The following BIN2 variants were observed in gnomAD, a reference collection of about 807,000 sequenced individuals.
The protein encoded by BIN2 is bridging integrator 2.
Under a neutral mutation model 67.9 loss-of-function variants are expected in BIN2, and 43 were observed. The observed-to-expected ratio is 0.63, with a 90% confidence interval of 0.50 to 0.82. The LOEUF (loss-of-function observed/expected upper bound fraction) is 0.82. Among genes scored for constraint, BIN2 ranks in the 40% least tolerant of loss-of-function variants. The pLI, the probability that BIN2 is intolerant of heterozygous loss-of-function variation, is 0.00. For missense variants in BIN2, 581 were observed against 671.6 expected (o/e 0.87, Z 1.49); for synonymous variants, 244 against 246.8 (o/e 0.99, Z 0.11).
chr12:51,290,417 C>T (rs188323501), intron 10 of BIN2, among the ~76,000 whole-genome samples: 96 of 152,036 alleles, frequency 6.3e-4, no homozygotes, highest in African/African-American at 2.2e-3. Flanking sequence ...GTGTGAGACA[C>T]GACGCCCGGC....
intron 9 of BIN2, among the ~76,000 whole-genome samples, chr12:51,294,435 C>T (rs935775332): frequency 6.6e-6 from 1 of 151,954 alleles, no homozygotes; most frequent in South Asian, 2.1e-4. Context: ...GGTGTGGTGG[C>T]ATGTGCCTGT....
intron 10 of BIN2, 121 bp downstream of exon 10, chr12:51,291,470 G>C (rs1592253917): frequency 6.2e-6 from 6 of 961,000 alleles, no homozygotes; most frequent in South Asian, 4.1e-5. Context: ...TTGAGCTTGA[G>C]AGGTCGAGAC....
At chr12:51,300,057 C>T (rs1045295076) in intron 5 of BIN2, among the ~76,000 whole-genome samples, 6 of 151,954 alleles carry the variant, frequency 3.9e-5, no homozygotes, top group Admixed American at 1.3e-4. Context: ...AGGCTGGTCT[C>T]GAACTCCTGG....
rs769469897 is a variant in BIN2 at position 51,291,644 on chromosome 12, G to A, written c.1462C>T (p.His488Tyr). 5.4e-5 allele frequency: 87 copies of A among 1,613,108 alleles called. No individual in the cohort carries two copies. The highest frequency in any genetic ancestry group is 7.2e-5 in the Non-Finnish European group (85 of 1,179,710). The change falls in exon 10 of 13, where the codon CAC becomes TAC. Residue 488 changes from histidine (H) to tyrosine (Y), a missense_variant. By Grantham distance (83) the His-to-Tyr change is moderately conservative. Coordinates refer to ENST00000615107, the MANE Select transcript of BIN2 (RefSeq NM_016293.4). The part of the protein sequence containing the change: ...TPEAKENENI[H>Y]NQNPEELCTS... ...CAAAGTTCTTCAGGGTTCTGATTGT[G>A]GATGTTTTCATTTTCTTTGGCCTCA...
In BIN2 at chr12:51,288,198, A is replaced by G; in HGVS notation, c.1516-10T>C. ...CAGGCTCTGAAGCAACCTGTGAATC[A>G]AAGTGAACAATGGAGGAGAGAGTCC... On this transcript the variant is annotated splice_polypyrimidine_tract_variant and intron_variant, in intron 10 of 12. Coordinates refer to ENST00000615107, the MANE Select transcript of BIN2 (RefSeq NM_016293.4). 1 of 1,612,374 alleles carries G rather than the reference A, an allele frequency of 6.2e-7. No individual in the cohort carries two copies. The highest frequency in any genetic ancestry group is 1.1e-5 in the South Asian group (1 of 91,038).
chr12:51,320,562 C>G lies in BIN2; in HGVS notation c.81+3460G>C, dbSNP rs180688548. On this transcript the variant is annotated intron_variant, in intron 1 of 12. Transcript: ENST00000615107. ...ATTCAGCCTCCACTATAAAACCTCTCGATTCTCCCCAATCCTTTTGTCCTC... is the reference window on the plus strand; with the variant it reads ...ATTCAGCCTCCACTATAAAACCTCTGGATTCTCCCCAATCCTTTTGTCCTC... Among the ~76,000 whole-genome samples, 401 of 152,004 alleles carry G rather than the reference C, an allele frequency of 2.6e-3. 2 individuals are homozygous for G. The highest frequency in any genetic ancestry group is 9.2e-3 in the African/African-American group (381 of 41,444).
chr12:51,286,730 G>A (rs1386498021), intron 11 of BIN2, among the ~76,000 whole-genome samples: 1 of 152,138 alleles, frequency 6.6e-6, no homozygotes. Context: ...CATCTATCCT[G>A]CACTTATTCA....
chr12:51,324,338 C>A (rs1368805492), upstream of BIN2: 6 of 1,328,866 alleles, frequency 4.5e-6, no homozygotes, highest in East Asian at 1.6e-4. Context: ...CGCTCGAGGC[C>A]AGCTTCCGAG....
At chr12:51,318,262 CTTT>C (rs1267935737) in intron 1 of BIN2, among the ~76,000 whole-genome samples, 8 of 131,794 alleles carry the variant, frequency 6.1e-5, no homozygotes, top group Admixed American at 1.5e-4. Context: ...TATCTCCATT[CTTT>C]TTTTTTTTTT....
intron 9 of BIN2, among the ~76,000 whole-genome samples, 185 bp downstream of exon 9, chr12:51,295,611 T>A (rs867581203): frequency 0.055 from 2,345 of 43,012 alleles, 270 homozygotes; most frequent in East Asian, 0.2. Flanking sequence ...TATATATATA[T>A]ATATATATAT....
chr12:51,292,378 TAA>T, intron 9 of BIN2, 34 bp from the exon 10 acceptor site: 1 of 1,519,244 alleles, frequency 6.6e-7, no homozygotes, highest in East Asian at 2.3e-5. Flanking sequence ...TCAGAACGGC[TAA>T]AAACCAGAAG....
At chr12:51,307,996 T>C (rs1385831282) in intron 2 of BIN2, among the ~76,000 whole-genome samples, 1 of 152,082 alleles carries the variant, frequency 6.6e-6, no homozygotes, top group South Asian at 2.1e-4. Context: ...GAAGATGAAG[T>C]ATGAGTGTGA....
At chr12:51,306,159 C>G (rs992715941) in intron 2 of BIN2, among the ~76,000 whole-genome samples, 2 of 152,014 alleles carry the variant, frequency 1.3e-5, no homozygotes, top group African/African-American at 4.8e-5. Flanking sequence ...CTAAGCTAGT[C>G]CAAACTTTTG....
intron 1 of BIN2, 123 bp downstream of exon 1, chr12:51,323,899 C>T (rs765049204): frequency 6.8e-6 from 8 of 1,180,918 alleles, no homozygotes; most frequent in Middle Eastern, 5.1e-4. Flanking sequence ...GCGGGAGACC[C>T]TTCTCGTCAG....
chr12:51,320,515 T>C (rs1946243006), intron 1 of BIN2, among the ~76,000 whole-genome samples: 1 of 151,906 alleles, frequency 6.6e-6, no homozygotes, highest in African/African-American at 2.4e-5. Flanking sequence ...AAACTACTAA[T>C]CTCCCATAAT....
upstream of BIN2, among the ~76,000 whole-genome samples, chr12:51,324,356 C>G (rs1337218086): frequency 6.6e-6 from 1 of 152,190 alleles, no homozygotes; most frequent in African/African-American, 2.4e-5. Context: ...GAGCTCCAAC[C>G]CCTGCCCGAA....
chr12:51,291,172 C>CAAAA (rs1327769844), intron 10 of BIN2, among the ~76,000 whole-genome samples: 2 of 151,162 alleles, frequency 1.3e-5, no homozygotes, highest in African/African-American at 4.9e-5. Flanking sequence ...AACAAACAAA[C>CAAAA]AAAAAAAAGT....
At chr12:51,293,533 C>T (rs897557925) in intron 9 of BIN2, among the ~76,000 whole-genome samples, 17 of 152,060 alleles carry the variant, frequency 1.1e-4, no homozygotes, top group African/African-American at 3.6e-4. Context: ...AGGATGGTCT[C>T]GATCTCTTGA....
At chr12:51,304,259 A>T (rs1311102038) in intron 2 of BIN2, 1 of 152,700 alleles carries the variant, frequency 6.5e-6, no homozygotes, top group Non-Finnish European at 1.5e-5. Flanking sequence ...CAAAACAAAC[A>T]AACAAACTTT....
Sources: allele counts gnomAD v4.1 joint callset (sites outside exome capture counted in the v4.1 genomes callset), GRCh38; gene constraint gnomAD v4.1.1; transcripts MANE v1.5; gene names NCBI Gene and HGNC (gene_info 2026-07-23, HGNC 2026-07-21).